The following TNRC18 variants were observed in gnomAD, a reference collection of about 807,000 sequenced individuals.
The protein encoded by TNRC18 is trinucleotide repeat containing 18, also known as trinucleotide repeat-containing gene 18 protein.
Under a neutral mutation model 226.7 loss-of-function variants are expected in TNRC18, and 69 were observed. The observed-to-expected ratio is 0.30, with a 90% confidence interval of 0.25 to 0.37. The LOEUF (loss-of-function observed/expected upper bound fraction) is 0.37. TNRC18 is among the 10% of genes least tolerant of loss of function. The pLI is 1.00. For synonymous variants in TNRC18, 2,449 were observed against 1,927.6 expected (o/e 1.27, Z -7.09); for missense variants, 4,754 against 4,256.6 (o/e 1.12, Z -3.25).
At chr7:5,316,274 CTTT>C (rs1278896095) in intron 24 of TNRC18, among the ~76,000 whole-genome samples, 3,317 of 86,480 alleles carry the variant, frequency 0.038, 161 homozygotes, top group African/African-American at 0.15. Flanking sequence ...AGAAATGGGT[CTTT>C]TTTTTTTTTT....
At chr7:5,411,375 G>A (rs1274398102) in intron 2 of TNRC18, among the ~76,000 whole-genome samples, 10 of 151,694 alleles carry the variant, frequency 6.6e-5, no homozygotes, top group East Asian at 3.9e-4. Context: ...AGGGAAGGCC[G>A]TGTGTGGTGA....
intron 17 of TNRC18, among the ~76,000 whole-genome samples, chr7:5,347,878 C>T (rs1791365159): frequency 6.6e-6 from 1 of 151,354 alleles, no homozygotes; most frequent in Admixed American, 6.6e-5. Flanking sequence ...TCACTTGAAC[C>T]CCGGAGGCGG....
At chr7:5,367,594 A>G (rs978744723) in intron 11 of TNRC18, among the ~76,000 whole-genome samples, 16 of 151,084 alleles carry the variant, frequency 1.1e-4, no homozygotes, top group Non-Finnish European at 2.1e-4. Flanking sequence ...CGCCCAGCTA[A>G]TTTTTGTATT....
chr7:5,394,507 C>T lies in TNRC18; in HGVS notation c.276G>A (p.Leu92=), dbSNP rs372362405. 13 of 1,557,756 alleles carry T rather than the reference C, an allele frequency of 8.3e-6. No homozygotes were observed. The African/African-American group carries it at 1.6e-4, about 20-fold the overall frequency. ...HGSPVPLPSD[L]SFRSPTPSNL... ...TGCTAGGGGTTGGGGAGCGGAAAGA[C>T]AGGTCAGAGGGCAGTGGCACTGGGC... is the stretch of plus-strand genomic sequence containing the variant. Residue 92 remains leucine, a synonymous_variant, in exon 3 of 30, where the codon CTG becomes CTA. Coordinates refer to ENST00000430969, the MANE Select transcript of TNRC18 (RefSeq NM_001080495.3). The surrounding 1 kb of genome is among the most constrained non-coding windows in gnomAD (Gnocchi z 4.5).
intron 11 of TNRC18, among the ~76,000 whole-genome samples, 178 bp from the exon 12 acceptor site, chr7:5,363,003 C>T (rs879286552): frequency 8.5e-5 from 13 of 152,210 alleles, no homozygotes; most frequent in African/African-American, 2.2e-4. Flanking sequence ...TAAACAAGAA[C>T]GGGGAGAAGG....
rs1788704530 is a variant in TNRC18 at position 5,324,551 on chromosome 7, G to A, written c.6301-196C>T. 6.6e-6 allele frequency among the ~76,000 whole-genome samples: 1 copy of A among 152,194 alleles called. No individual in the cohort carries two copies. The highest frequency in any genetic ancestry group is 2.4e-5 in the African/African-American group (1 of 41,454). On this transcript the variant is annotated intron_variant, in intron 20 of 29. Transcript: ENST00000430969. This position sits in a 1 kb window ranked among gnomAD's most constrained non-coding sequence, Gnocchi z 4.8. ...TGGGCCCAAAACCCAGCTGGCCCAT[G>A]CTCAGTACTCGGTGCTCAATACTCA...
intron 14 of TNRC18, among the ~76,000 whole-genome samples, chr7:5,360,899 T>C (rs995663452): frequency 1.3e-5 from 2 of 152,056 alleles, no homozygotes; most frequent in Non-Finnish European, 2.9e-5. Context: ...TCCTTCTGCT[T>C]CCTCAGGGCA....
At chr7:5,392,005 G>T (rs1412002598) in intron 3 of TNRC18, among the ~76,000 whole-genome samples, 2 of 151,862 alleles carry the variant, frequency 1.3e-5, no homozygotes, top group Admixed American at 1.3e-4. Flanking sequence ...AGGGACTCAG[G>T]TACCCCATAC....
Position 5,308,183 on chromosome 7 carries a change from G to A in TNRC18, c.8830C>T (p.Leu2944=), listed in dbSNP as rs1472061375. 1 of 1,600,876 alleles carries A rather than the reference G, an allele frequency of 6.2e-7. No individual in the cohort carries two copies. Among genetic ancestry groups the A allele is most frequent in the South Asian group, 1.1e-5 (1 of 88,914 alleles). Residue 2944 remains leucine (L), a synonymous_variant, in exon 30 of 30, where the codon CTG becomes TTG. Coordinates refer to ENST00000430969, the MANE Select transcript of TNRC18 (RefSeq NM_001080495.3). ...KTKKYQDSEG[L]YYLAGTYEPT... Reference sequence around the variant, plus strand: ...TCGTAGGTGCCCGCGAGGTAGTACAGGCCCTCGCTGTCCTGGTACTTCTTG... The same window carrying A: ...TCGTAGGTGCCCGCGAGGTAGTACAAGCCCTCGCTGTCCTGGTACTTCTTG...
Position 5,362,695 on chromosome 7 carries a change from C to G in TNRC18, c.4350G>C (p.Leu1450=). Residue 1450 remains leucine, a synonymous_variant, in exon 12 of 30, where the codon CTG becomes CTC. Coordinates refer to ENST00000430969, the MANE Select transcript of TNRC18 (RefSeq NM_001080495.3). ...PLKNLRLPRE[L]KPNKKYSWMR... ...TCCAGCTGTACTTCTTGTTGGGCTTCAGCTCCCGCGGGAGCCGCAGGTTCT... is the reference window on the plus strand; with the variant it reads ...TCCAGCTGTACTTCTTGTTGGGCTTGAGCTCCCGCGGGAGCCGCAGGTTCT... 6.3e-7 allele frequency: 1 copy of G among 1,586,168 alleles called. No individual in the cohort carries two copies.
At chr7:5,327,372 C>CGTGTGTGTGTGT (rs5882054) in intron 19 of TNRC18, among the ~76,000 whole-genome samples, 2 of 142,708 alleles carry the variant, frequency 1.4e-5, no homozygotes, top group East Asian at 2.5e-4. Context: ...TGTGTTTGTG[C>CGTGTGTGTGTGT]GTGTGTGTGT....
chr7:5,307,523 G>A lies in TNRC18; in HGVS notation c.*583C>T, dbSNP rs1435276264. 2.2e-6 allele frequency: 1 copy of A among 448,136 alleles called. No homozygotes were observed. The highest frequency in any genetic ancestry group is 4.5e-6 in the Non-Finnish European group (1 of 223,412). The allele number at this position is 448,136 out of a possible 1,614,324, so 27.8% of individuals were successfully genotyped here. A position where few individuals can be genotyped will look rare whatever the true frequency, so the allele number is the denominator to read the frequency against. On this transcript the variant is annotated 3_prime_UTR_variant, in exon 30 of 30. Transcript: ENST00000430969. ...CTGGTGCCTTTGACAGACACTCCGG[G>A]CTGCAACCCCACCCGGCTCTGTTCC...
rs1050104477 is a variant in TNRC18 at position 5,333,013 on chromosome 7, A to G, written c.5756T>C (p.Val1919Ala). The G allele has an allele frequency of 1.3e-6, 2 of 1,578,930 alleles. No individual in the cohort carries two copies. The highest frequency in any genetic ancestry group is 2.7e-5 in the African/African-American group (2 of 74,438). ...CGCAGGCGACCGCTTGCGCACCTTG[A>G]CCTCGCTCTCTGAGTCGGTGTACTC... is the stretch of plus-strand genomic sequence containing the variant. ...EFEYTDSESE[V>A]KVRKRSPAGL... is the part of the protein sequence containing the mutation. The change falls in exon 19 of 30, where the codon GTC (valine) becomes GCC (alanine). Residue 1919 changes from valine to alanine, a missense_variant. By Grantham distance (64) the Val-to-Ala change is moderately conservative (BLOSUM62 0). Coordinates refer to ENST00000430969, the MANE Select transcript of TNRC18 (RefSeq NM_001080495.3).
intron 11 of TNRC18, 73 bp from the exon 12 acceptor site, chr7:5,362,898 C>A: frequency 7.1e-7 from 1 of 1,415,152 alleles, no homozygotes; most frequent in Non-Finnish European, 9.3e-7. Context: ...TGCCGAGGCC[C>A]AAAGCAAGCG....
rs554534252 is a variant in TNRC18 at position 5,374,064 on chromosome 7, G to A, written c.3220C>T (p.Leu1074=). Residue 1074 remains leucine, a synonymous_variant, in exon 10 of 30, where the codon CTG becomes TTG. Transcript: ENST00000430969. ...EKEAPSPFQA[L]FSDIPPRYPF... is the part of the protein sequence containing the mutation. The stretch of plus-strand genomic sequence containing the variant: ...CTCAGCTGCATCCTACCTGAGAACA[G>A]GGCCTGGAAGGGGCTGGGGGCTTCC... 6.4e-7 allele frequency: 1 copy of A among 1,568,198 alleles called. No homozygotes were observed. The highest frequency in any genetic ancestry group is 1.4e-5 in the African/African-American group (1 of 71,244).
chr7:5,351,766 C>T (rs1006460578), intron 17 of TNRC18, 53 bp downstream of exon 17: 50 of 1,504,942 alleles, frequency 3.3e-5, no homozygotes, highest in Admixed American at 9.2e-5. Flanking sequence ...CTCACTCGCA[C>T]GCACTCTCTC....
In TNRC18 at chr7:5,361,648, G is replaced by T; in HGVS notation, c.4607C>A (p.Pro1536Gln). The change falls in exon 14 of 30, where the codon CCG (proline) becomes CAG (glutamine). Residue 1536 changes from proline to glutamine, a missense_variant. Physicochemically the swap from Pro to Gln is moderately conservative, Grantham distance 76. Transcript: ENST00000430969. ...PGRPRKRTHA[P>Q]SALSPPRKRG... The stretch of plus-strand genomic sequence containing the variant: ...CTTGCGGGGGGGCGACAGGGCGCTC[G>T]GGGCGTGGGTCCGTTTCCGCGGCCT... 1 of 1,556,664 alleles carries T rather than the reference G, an allele frequency of 6.4e-7. No homozygotes were observed.
rs1389451491 is a variant in TNRC18, at chr7:5,307,748, T to G, written c.*358A>C. 5.5e-6 allele frequency: 2 copies of G among 366,144 alleles called. No homozygotes were observed. The highest frequency in any genetic ancestry group is 1.1e-5 in the Non-Finnish European group (2 of 189,270). The allele number at this position is 366,144 out of a possible 1,614,324, so 22.7% of individuals were successfully genotyped here. A position where few individuals can be genotyped will look rare whatever the true frequency, so the allele number is the denominator to read the frequency against. ...CTCCCCACCGAATCCCCAGTCTGCA[T>G]GGACCTGGGGGCACCCGGGCCCCCA... On this transcript the variant is annotated 3_prime_UTR_variant, in exon 30 of 30. Transcript: ENST00000430969.
Position 5,389,280 on chromosome 7 carries a change from A to G in TNRC18, c.544T>C (p.Ser182Pro). The change falls in exon 5 of 30, where the codon TCG (serine) becomes CCG (proline). Residue 182 changes from serine to proline, a missense_variant. Ser to Pro is a moderately conservative substitution (Grantham distance 74). Transcript: ENST00000430969. The stretch of plus-strand genomic sequence containing the variant: ...TGGCCGCCGCCAGGGGTCCGGGCCG[A>G]GGGCGCGTGAGAGTGCAGGGAGCCC... The part of the protein sequence containing the change: ...APGSLHSHAP[S>P]ARTPGGGHSS... The G allele has an allele frequency of 7.8e-7, 1 of 1,288,858 alleles. No homozygotes were observed. The highest frequency in any genetic ancestry group is 9.8e-7 in the Non-Finnish European group (1 of 1,019,558). 79.8% of individuals were successfully genotyped at this position (1,288,858 alleles called of 1,614,324 possible). A position where few individuals can be genotyped will look rare whatever the true frequency, so the allele number is the denominator to read the frequency against.
Sources: gnomAD v4.1 joint callset for allele counts (sites outside exome capture counted in the v4.1 genomes callset) on GRCh38, gnomAD v4.1.1 for gene constraint, Gnocchi (gnomAD v3.1) non-coding constraint, MANE v1.5 for transcripts, NCBI Gene and HGNC (gene_info 2026-07-23, HGNC 2026-07-21) for gene names.